The following JAKMIP2 variants were observed in gnomAD, a reference collection of about 807,000 sequenced individuals.
JAKMIP2 encodes janus kinase and microtubule interacting protein 2, also known as janus kinase and microtubule-interacting protein 2.
JAKMIP2 carries 25 observed loss-of-function variants against 115.0 expected under a neutral mutation model. The ratio of observed to expected loss-of-function variants is 0.22; its 90% confidence interval spans 0.16 to 0.30. JAKMIP2 has a LOEUF of 0.30. Among genes scored for constraint, JAKMIP2 ranks in the 10% least tolerant of loss-of-function variants. The pLI, the probability that JAKMIP2 is intolerant of heterozygous loss-of-function variation, is 1.00. For synonymous variants in JAKMIP2, 334 were observed against 343.6 expected (o/e 0.97, Z 0.31); for missense variants, 642 against 957.6 (o/e 0.67, Z 4.35).
chr5:147,706,704 C>A (rs1752573349), intron 1 of JAKMIP2, among the ~76,000 whole-genome samples: 2 of 152,062 alleles, frequency 1.3e-5, no homozygotes, highest in South Asian at 4.1e-4. Flanking sequence ...TGAAATGATG[C>A]TCAAAGGACA....
intron 1 of JAKMIP2, among the ~76,000 whole-genome samples, chr5:147,744,428 C>G (rs1302662765): frequency 6.6e-6 from 1 of 152,050 alleles, no homozygotes; most frequent in Non-Finnish European, 1.5e-5. Context: ...TCTCCAAGGC[C>G]AAGTAAGGCT....
In JAKMIP2 at chr5:147,711,167, C is replaced by A. The variant is rs941191114; in HGVS notation, c.-148-39213G>T. Among the ~76,000 whole-genome samples the A allele has an allele frequency of 5.7e-4, 87 of 152,036 alleles. 5 individuals carry two copies. Among genetic ancestry groups the A allele is most frequent in the Non-Finnish European group, 8.8e-5 (6 of 67,994 alleles). ...GCAAAAGCAAATATGACCATTACTGCCAAGAAACAGATGCTTGTGTCTAGT... is the reference window on the plus strand; with the variant it reads ...GCAAAAGCAAATATGACCATTACTGACAAGAAACAGATGCTTGTGTCTAGT... On this transcript the variant is annotated intron_variant, in intron 1 of 21. Coordinates refer to ENST00000616793, the MANE Select transcript of JAKMIP2 (RefSeq NM_001270941.2).
chr5:147,617,749 T>C (rs1756658562), intron 19 of JAKMIP2, among the ~76,000 whole-genome samples, 162 bp downstream of exon 19: 1 of 152,232 alleles, frequency 6.6e-6, no homozygotes, highest in South Asian at 2.1e-4. Flanking sequence ...CTGTCATTTT[T>C]GTATGTGCAT....
At chr5:147,678,736 T>G (rs1213707687) in intron 1 of JAKMIP2, among the ~76,000 whole-genome samples, 1 of 152,160 alleles carries the variant, frequency 6.6e-6, no homozygotes, top group East Asian at 1.9e-4. Context: ...TTCTCCATGA[T>G]GTACTTATTT....
intron 12 of JAKMIP2, among the ~76,000 whole-genome samples, chr5:147,633,734 C>T (rs1368735035): frequency 7.0e-6 from 1 of 142,056 alleles, no homozygotes; most frequent in Non-Finnish European, 1.5e-5. Flanking sequence ...TTGCTCTTGT[C>T]CCCGAGGCTG....
At chr5:147,717,576 G>A (rs1357037507) in intron 1 of JAKMIP2, among the ~76,000 whole-genome samples, 2 of 143,118 alleles carry the variant, frequency 1.4e-5, no homozygotes, top group African/African-American at 5.1e-5. Flanking sequence ...CTTGTAAGTT[G>A]GATTCCTAGG....
intron 1 of JAKMIP2, among the ~76,000 whole-genome samples, chr5:147,678,384 C>A (rs1195268071): frequency 6.6e-6 from 1 of 152,142 alleles, no homozygotes; most frequent in Non-Finnish European, 1.5e-5. Context: ...TAAATGAAAT[C>A]ATGCACTATT....
intron 1 of JAKMIP2, among the ~76,000 whole-genome samples, chr5:147,709,286 A>T (rs1390503412): frequency 6.6e-6 from 1 of 152,232 alleles, no homozygotes; most frequent in Non-Finnish European, 1.5e-5. Flanking sequence ...AGACTCTTAT[A>T]CATACTTGCA....
chr5:147,693,878 T>C (rs776933767), intron 1 of JAKMIP2, among the ~76,000 whole-genome samples: 1 of 152,210 alleles, frequency 6.6e-6, no homozygotes, highest in Non-Finnish European at 1.5e-5. Flanking sequence ...TAGAATTTCA[T>C]AAAATCAAAG....
chr5:147,734,780 G>T (rs933315396), intron 1 of JAKMIP2, among the ~76,000 whole-genome samples: 2 of 152,066 alleles, frequency 1.3e-5, no homozygotes, highest in African/African-American at 4.8e-5. Context: ...TGTTTTCCAA[G>T]AAGGACAACA....
chr5:147,689,180 C>A (rs575307905), intron 1 of JAKMIP2, among the ~76,000 whole-genome samples: 2 of 152,110 alleles, frequency 1.3e-5, no homozygotes, highest in East Asian at 3.9e-4. Context: ...TTCAGGGAGC[C>A]GGGGAGGCTG....
chr5:147,751,405 CTT>C (rs993691081), intron 1 of JAKMIP2, among the ~76,000 whole-genome samples: 4 of 152,032 alleles, frequency 2.6e-5, no homozygotes, highest in African/African-American at 9.7e-5. Flanking sequence ...ACATGGATGA[CTT>C]TTAAGAGAAA....
chr5:147,613,512 A>T (rs76958488), intron 19 of JAKMIP2, among the ~76,000 whole-genome samples: 24 of 152,124 alleles, frequency 1.6e-4, no homozygotes, highest in Admixed American at 6.5e-4. Context: ...AGTTCTGCAC[A>T]TTTTTTTAAA....
At chr5:147,747,978 G>A (rs1028376194) in intron 1 of JAKMIP2, among the ~76,000 whole-genome samples, 1 of 152,176 alleles carries the variant, frequency 6.6e-6, no homozygotes, top group Non-Finnish European at 1.5e-5. Context: ...GTTCTGAGGG[G>A]CCATTTTTCC....
chr5:147,625,598 A>T (rs1470118592), intron 16 of JAKMIP2, among the ~76,000 whole-genome samples: 1 of 152,176 alleles, frequency 6.6e-6, no homozygotes, highest in Non-Finnish European at 1.5e-5. Flanking sequence ...CATATTTTTT[A>T]AAATCATGTT....
intron 19 of JAKMIP2, among the ~76,000 whole-genome samples, chr5:147,617,501 C>T (rs940666639): frequency 1.1e-4 from 17 of 152,076 alleles, no homozygotes; most frequent in African/African-American, 3.6e-4. Flanking sequence ...GTAATGTGAA[C>T]GGTCCTTGCT....
chr5:147,632,370 G>A (rs181582904), intron 13 of JAKMIP2, among the ~76,000 whole-genome samples: 18 of 152,226 alleles, frequency 1.2e-4, no homozygotes, highest in African/African-American at 4.1e-4. Context: ...GTTGAGGATG[G>A]TTGAAATCTA....
chr5:147,645,846 T>C (rs1422650145), intron 5 of JAKMIP2, among the ~76,000 whole-genome samples: 2 of 152,198 alleles, frequency 1.3e-5, no homozygotes, highest in Non-Finnish European at 2.9e-5. Flanking sequence ...AAATCGCCTG[T>C]AGTTGGGAAC....
At chr5:147,619,241 G>C (rs1300135741) in intron 18 of JAKMIP2, among the ~76,000 whole-genome samples, 2 of 152,056 alleles carry the variant, frequency 1.3e-5, no homozygotes, top group Non-Finnish European at 1.5e-5. Flanking sequence ...GATAAATATG[G>C]TTTTCTGAAT....
Sources: gnomAD v4.1 joint callset for allele counts (sites outside exome capture counted in the v4.1 genomes callset) on GRCh38, gnomAD v4.1.1 for gene constraint, MANE v1.5 for transcripts, NCBI Gene and HGNC (gene_info 2026-07-23, HGNC 2026-07-21) for gene names.